The following OSBPL6 variants were observed in gnomAD, a reference collection of about 807,000 sequenced individuals.
The protein encoded by OSBPL6 is oxysterol-binding protein-related protein 6.
A neutral mutation model predicts 125.8 loss-of-function variants in OSBPL6; 49 were observed. The observed-to-expected ratio is 0.39, with a 90% CI of 0.31 to 0.49. The LOEUF (loss-of-function observed/expected upper bound fraction) is 0.49, where lower values mean the gene tolerates loss of function less well. Among genes scored for constraint, OSBPL6 ranks in the 20% least tolerant of loss-of-function variants. OSBPL6 has a pLI of 0.88. For missense variants in OSBPL6, 986 were observed against 1,135.4 expected (o/e 0.87, Z 1.89); for synonymous variants, 394 against 391.8 (o/e 1.01, Z -0.07).
Position 178,395,960 on chromosome 2 carries a change from C to T in OSBPL6, c.*401C>T, listed in dbSNP as rs767025955. ...ACGATTGTTCCACTGTCTGGAAGCA[C>T]CATCCCCTATCGCAGGACTCCTGGG... On this transcript the variant is annotated 3_prime_UTR_variant, in exon 25 of 25. Transcript: ENST00000190611. 21 of 362,538 alleles carry T rather than the reference C, an allele frequency of 5.8e-5. No individual in the cohort carries two copies. The highest frequency in any genetic ancestry group is 1.1e-4 in the Non-Finnish European group (21 of 187,780). 22.5% of individuals were successfully genotyped at this position (362,538 alleles called of 1,614,324 possible).
At chr2:178,327,941 A>C (rs887236187) in intron 4 of OSBPL6, among the ~76,000 whole-genome samples, 1 of 152,138 alleles carries the variant, frequency 6.6e-6, no homozygotes, top group African/African-American at 2.4e-5. Flanking sequence ...TCAGGGATTC[A>C]CTGTCTGGAA....
At chr2:178,288,830 A>G (rs1387190371) in intron 2 of OSBPL6, among the ~76,000 whole-genome samples, 2 of 151,502 alleles carry the variant, frequency 1.3e-5, no homozygotes, top group Non-Finnish European at 2.9e-5. Flanking sequence ...TTATATTTTC[A>G]GTAGACACGG....
intron 1 of OSBPL6, among the ~76,000 whole-genome samples, chr2:178,284,443 C>T (rs1684508538): frequency 6.6e-6 from 1 of 152,138 alleles, no homozygotes. Context: ...ATCCCAGCTA[C>T]TCAGGAGGCT....
intron 1 of OSBPL6, among the ~76,000 whole-genome samples, chr2:178,283,385 T>TA (rs200914146): frequency 0.02 from 2,646 of 133,692 alleles, 57 homozygotes; most frequent in South Asian, 0.12. Flanking sequence ...TCTCAATAAG[T>TA]AAAAAAAAAA....
At chr2:178,394,621 A>G (rs150941485) in intron 24 of OSBPL6, among the ~76,000 whole-genome samples, 186 bp downstream of exon 24, 2 of 152,290 alleles carry the variant, frequency 1.3e-5, no homozygotes, top group East Asian at 1.9e-4. Context: ...AATTTTTTCT[A>G]CAGCTCTTCT....
chr2:178,368,358 C>G (rs1472560729), intron 13 of OSBPL6, among the ~76,000 whole-genome samples: 1 of 152,156 alleles, frequency 6.6e-6, no homozygotes, highest in Non-Finnish European at 1.5e-5. Flanking sequence ...TGGGAACAGT[C>G]TTGATTTCCA....
intron 1 of OSBPL6, among the ~76,000 whole-genome samples, chr2:178,203,817 T>G (rs1379057463): frequency 6.6e-6 from 1 of 152,184 alleles, no homozygotes; most frequent in Non-Finnish European, 1.5e-5. Flanking sequence ...TTCCATGAAC[T>G]AGGCAAGACC....
At chr2:178,241,394 G>T (rs1447916206) in intron 1 of OSBPL6, among the ~76,000 whole-genome samples, 1 of 150,530 alleles carries the variant, frequency 6.6e-6, no homozygotes, top group Admixed American at 6.6e-5. Flanking sequence ...TTACAGGTGT[G>T]AGCCACTGCA....
rs559265174 is a variant in OSBPL6, at chr2:178,344,018, G to C, written c.987+4254G>C. ...TGCATATTTATTTTACCTTAAAATC[G>C]CAGGCTGTCCATCAGTTTATAACTC... is the stretch of plus-strand genomic sequence containing the variant. On this transcript the variant is annotated intron_variant, in intron 11 of 24. Coordinates refer to ENST00000190611, the MANE Select transcript of OSBPL6 (RefSeq NM_032523.4). Among the ~76,000 whole-genome samples, 3 of 151,922 alleles carry C rather than the reference G, an allele frequency of 2.0e-5. No individual in the cohort carries two copies. In the South Asian group the frequency reaches 6.2e-4, roughly 32 times the overall value.
intron 1 of OSBPL6, among the ~76,000 whole-genome samples, chr2:178,226,339 A>T (rs1212489843): frequency 7.0e-6 from 1 of 142,664 alleles, no homozygotes; most frequent in African/African-American, 2.5e-5. Flanking sequence ...TGGTGCAGTC[A>T]CCTTCCATGC....
At chr2:178,347,235 G>A (rs1402250041) in intron 11 of OSBPL6, among the ~76,000 whole-genome samples, 3 of 152,220 alleles carry the variant, frequency 2.0e-5, no homozygotes, top group Admixed American at 6.5e-5. Context: ...CCCGCTAGAG[G>A]AAGAGACTCC....
At chr2:178,258,646 GT>G (rs553589370) in intron 1 of OSBPL6, among the ~76,000 whole-genome samples, 75 of 152,146 alleles carry the variant, frequency 4.9e-4, no homozygotes, top group African/African-American at 1.8e-3. Context: ...TTGACAAATG[GT>G]TATACCTATG....
intron 12 of OSBPL6, among the ~76,000 whole-genome samples, chr2:178,349,607 G>A (rs1462934630): frequency 1.3e-5 from 2 of 152,166 alleles, no homozygotes; most frequent in Non-Finnish European, 1.5e-5. Context: ...GAAAGAAAGT[G>A]CCATGGGGTT....
intron 15 of OSBPL6, among the ~76,000 whole-genome samples, chr2:178,377,015 G>T (rs1428969816): frequency 1.3e-5 from 2 of 152,222 alleles, no homozygotes; most frequent in African/African-American, 4.8e-5. Flanking sequence ...TCTCAGAGTT[G>T]CTTTTCCCCT....
intron 1 of OSBPL6, among the ~76,000 whole-genome samples, chr2:178,243,048 G>T (rs2091352506): frequency 6.6e-6 from 1 of 151,852 alleles, no homozygotes; most frequent in Admixed American, 6.6e-5. Flanking sequence ...TAAACAACTT[G>T]TATGTAAAAA....
intron 2 of OSBPL6, among the ~76,000 whole-genome samples, chr2:178,291,047 A>AGT (rs997608084): frequency 3.9e-5 from 6 of 152,146 alleles, no homozygotes; most frequent in African/African-American, 1.4e-4. Context: ...GAAAACTACT[A>AGT]ATTATTGTTA....
At chr2:178,345,848 C>T (rs1400909365) in intron 11 of OSBPL6, among the ~76,000 whole-genome samples, 1 of 152,094 alleles carries the variant, frequency 6.6e-6, no homozygotes, top group African/African-American at 2.4e-5. Flanking sequence ...CAGATACATA[C>T]AGTGAATATA....
At chr2:178,392,325 T>C (rs1390222458) in intron 22 of OSBPL6, 87 bp from the exon 23 acceptor site, 7 of 1,436,904 alleles carry the variant, frequency 4.9e-6, no homozygotes, top group Admixed American at 1.9e-5. Flanking sequence ...TTGGTGTTAG[T>C]GTAGGTACTA....
At chr2:178,362,065 C>T (rs1692411139) in intron 13 of OSBPL6, among the ~76,000 whole-genome samples, 2 of 152,148 alleles carry the variant, frequency 1.3e-5, no homozygotes, top group Non-Finnish European at 2.9e-5. Context: ...CAATTGAACA[C>T]TTAATGCTTC....
Sources: gnomAD v4.1 joint callset for allele counts (sites outside exome capture counted in the v4.1 genomes callset) on GRCh38, gnomAD v4.1.1 for gene constraint, MANE v1.5 for transcripts, NCBI Gene and HGNC (gene_info 2026-07-23, HGNC 2026-07-21) for gene names.